The following SMIM36 variants were observed in gnomAD, a reference collection of about 807,000 sequenced individuals.
SMIM36 encodes the protein small integral membrane protein 36.
intron 1 of SMIM36, among the ~76,000 whole-genome samples, chr17:55,497,225 A>T (rs932693524): frequency 2.0e-5 from 3 of 151,970 alleles, no homozygotes; most frequent in Non-Finnish European, 2.9e-5. Context: ...TTTTTCTACT[A>T]AGGATTTTTT....
intron 4 of SMIM36, among the ~76,000 whole-genome samples, chr17:55,463,847 G>A (rs1481154399): frequency 6.6e-6 from 1 of 152,062 alleles, no homozygotes; most frequent in Non-Finnish European, 1.5e-5. Context: ...GATGTTGAAG[G>A]CCGGGCACCT....
At chr17:55,522,246 C>G in the SMIM36 span, among the ~76,000 whole-genome samples, 2 of 152,216 alleles carry the variant, frequency 1.3e-5, no homozygotes, top group African/African-American at 2.4e-5. Flanking sequence ...ATGAGATGTT[C>G]TCCTCCGATT....
At chr17:55,456,062 G>A (rs1316502262) in intron 4 of SMIM36, among the ~76,000 whole-genome samples, 1 of 132,160 alleles carries the variant, frequency 7.6e-6, no homozygotes, top group East Asian at 2.4e-4. Flanking sequence ...AGGTTGCAGT[G>A]AGCCAAGACC....
At chr17:55,524,584 T>C in the SMIM36 span, among the ~76,000 whole-genome samples, 1 of 152,298 alleles carries the variant, frequency 6.6e-6, no homozygotes, top group East Asian at 1.9e-4. Flanking sequence ...CAGCATCTGT[T>C]ATTTTTTGAC....
chr17:55,486,608 A>G (rs1465073132), intron 1 of SMIM36, among the ~76,000 whole-genome samples: 1 of 152,212 alleles, frequency 6.6e-6, no homozygotes, highest in Non-Finnish European at 1.5e-5. Context: ...ATAAGCACTC[A>G]GGTGATTTTG....
At chr17:55,512,965 G>C (rs1036097496), upstream of SMIM36, among the ~76,000 whole-genome samples, 2 of 152,154 alleles carry the variant, frequency 1.3e-5, no homozygotes, top group South Asian at 4.1e-4. Flanking sequence ...TTGTAGTATG[G>C]GGTTCTTATG....
At chr17:55,475,843 T>C (rs1157276814) in intron 3 of SMIM36, among the ~76,000 whole-genome samples, 9 of 152,126 alleles carry the variant, frequency 5.9e-5, no homozygotes, top group African/African-American at 2.2e-4. Flanking sequence ...TCACTAATCA[T>C]TCTATATGAC....
chr17:55,471,060 C>T (rs1055989031), intron 3 of SMIM36, among the ~76,000 whole-genome samples: 1 of 152,120 alleles, frequency 6.6e-6, no homozygotes, highest in African/African-American at 2.4e-5. Context: ...ATACCCCCTC[C>T]CACAACTCAC....
chr17:55,513,866 T>C (rs908558024), upstream of SMIM36, among the ~76,000 whole-genome samples: 1 of 152,222 alleles, frequency 6.6e-6, no homozygotes, highest in African/African-American at 2.4e-5. Flanking sequence ...TCATTAATCA[T>C]GGTGAGTGAT....
the SMIM36 span, among the ~76,000 whole-genome samples, chr17:55,522,243 G>A: frequency 6.6e-6 from 1 of 152,176 alleles, no homozygotes; most frequent in Non-Finnish European, 1.5e-5. Context: ...TACATGAGAT[G>A]TTCTCCTCCG....
intron 3 of SMIM36, among the ~76,000 whole-genome samples, chr17:55,470,999 G>A (rs554270069): frequency 5.3e-5 from 8 of 152,048 alleles, no homozygotes; most frequent in African/African-American, 1.4e-4. Context: ...TAATCAAATC[G>A]TCCTTCCCAT....
intron 3 of SMIM36, among the ~76,000 whole-genome samples, chr17:55,469,685 C>T (rs1462293845): frequency 6.6e-6 from 1 of 152,160 alleles, no homozygotes; most frequent in Non-Finnish European, 1.5e-5. Context: ...CTCCAGCACA[C>T]AAGAACTTCA....
intron 1 of SMIM36, among the ~76,000 whole-genome samples, chr17:55,500,900 T>TTATAA (rs1909912165): frequency 5.8e-5 from 1 of 17,104 alleles, no homozygotes; most frequent in African/African-American, 9.1e-4. Context: ...TTATAATATA[T>TTATAA]TATATTATAA....
chr17:55,451,128 G>A (rs1245447100), intron 4 of SMIM36, among the ~76,000 whole-genome samples: 2 of 152,048 alleles, frequency 1.3e-5, no homozygotes, highest in Non-Finnish European at 2.9e-5. Flanking sequence ...CTCATAATCC[G>A]CTCTCCTCAG....
chr17:55,494,693 CAT>C lies in SMIM36; in HGVS notation c.*175-15115_*175-15114del, dbSNP rs1044834761. 1.8e-3 allele frequency among the ~76,000 whole-genome samples: 271 copies of C among 152,130 alleles called. 3 individuals are homozygous for C. The highest frequency in any genetic ancestry group is 6.1e-3 in the African/African-American group (251 of 41,458). On this transcript the variant is annotated intron_variant, in intron 1 of 4. Transcript: ENST00000636752. ...TATATTTTGTTTGAACACACACACA[CAT>C]ACACACTCACACGAGTGCTAAAATT... is the stretch of plus-strand genomic sequence containing the variant.
chr17:55,476,228 T>C (rs1423231339), intron 3 of SMIM36, among the ~76,000 whole-genome samples: 1 of 152,146 alleles, frequency 6.6e-6, no homozygotes, highest in East Asian at 1.9e-4. Flanking sequence ...TTGTGATTTG[T>C]TCCCGCTTCA....
intron 1 of SMIM36, among the ~76,000 whole-genome samples, chr17:55,498,055 C>T (rs1909838774): frequency 6.6e-6 from 1 of 152,058 alleles, no homozygotes; most frequent in South Asian, 2.1e-4. Flanking sequence ...TTGAAGGTAC[C>T]ACGGAAGGAT....
the SMIM36 span, among the ~76,000 whole-genome samples, chr17:55,526,061 G>A: frequency 6.6e-6 from 1 of 152,132 alleles, no homozygotes; most frequent in Admixed American, 6.5e-5. Flanking sequence ...TTTATAGCTA[G>A]CACCATTTTG....
In SMIM36 at chr17:55,463,215, A is replaced by C. The variant is rs578048789; in HGVS notation, c.*531+3930T>G. On this transcript the variant is annotated intron_variant, in intron 4 of 4. Transcript: ENST00000636752. ...TTTTCCTATACATAATGTCTATGAT[A>C]AAGCTTAATTTATAAATTAGGCACA... 3.9e-5 allele frequency among the ~76,000 whole-genome samples: 6 copies of C among 152,252 alleles called. No homozygotes were observed. The South Asian group carries it at 1.2e-3, about 32-fold the overall frequency.
Sources: gnomAD v4.1 joint callset for allele counts (sites outside exome capture counted in the v4.1 genomes callset) on GRCh38, gnomAD v4.1.1 for gene constraint, MANE v1.5 for transcripts, NCBI Gene and HGNC (gene_info 2026-07-23, HGNC 2026-07-21) for gene names.